Variants in PPP2R2B observed in about 807,000 individuals in gnomAD.
The protein encoded by PPP2R2B is protein phosphatase 2 regulatory subunit Bbeta, also known as serine/threonine-protein phosphatase 2A 55 kDa regulatory subunit B beta isoform.
PPP2R2B carries 5 observed loss-of-function variants against 46.0 expected under a neutral mutation model. That is an observed-to-expected ratio of 0.11 (90% CI 0.06 to 0.23). The LOEUF (loss-of-function observed/expected upper bound fraction) is 0.23. Ranked by LOEUF, PPP2R2B falls within the 10% of genes least tolerant of loss-of-function variation. The probability of loss-of-function intolerance (pLI) is 1.00; values close to 1 mark genes in which losing one functional copy is unlikely to be tolerated. For missense variants in PPP2R2B, 367 were observed against 575.0 expected, an observed-to-expected ratio of 0.64 and a Z score of 3.70; for synonymous variants, 215 against 206.7, an observed-to-expected ratio of 1.04 and a Z score of -0.34.
intron 2 of PPP2R2B, among the ~76,000 whole-genome samples, chr5:146,834,601 T>A (rs1200325937): frequency 6.6e-6 from 1 of 152,198 alleles, no homozygotes; most frequent in Non-Finnish European, 1.5e-5. Context: ...TCTTTATTAT[T>A]TTTATGAAAG....
At position 146,742,534 on chromosome 5, in the gene PPP2R2B, T is replaced by C. The variant is rs186533829; in HGVS notation, c.71-41392A>G. 4.7e-3 allele frequency among the ~76,000 whole-genome samples: 710 copies of C among 152,350 alleles called. 4 individuals are homozygous for C. Among genetic ancestry groups the C allele is most frequent in the Non-Finnish European group, 9.1e-3 (619 of 68,036 alleles). ...TGATATTCTGATTTCTTCACCTCCC[T>C]ACTTTTTTCTGTTTTTGCGAATTTT... On this transcript the variant is annotated intron_variant, in intron 2 of 9. Coordinates refer to ENST00000394411, the MANE Select transcript of PPP2R2B (RefSeq NM_181675.4).
chr5:146,758,696 A>T (rs1194985628), intron 2 of PPP2R2B, among the ~76,000 whole-genome samples: 3 of 152,128 alleles, frequency 2.0e-5, no homozygotes, highest in African/African-American at 7.2e-5. Context: ...GGGTCAAATG[A>T]AAGAAAGGAA....
intron 2 of PPP2R2B, among the ~76,000 whole-genome samples, chr5:146,703,705 C>T (rs1199235474): frequency 6.6e-6 from 1 of 152,144 alleles, no homozygotes; most frequent in Admixed American, 6.5e-5. Flanking sequence ...AAGACCCATG[C>T]AAGTCAAAAC....
chr5:147,054,606 A>G (rs1756983597), intron 1 of PPP2R2B: 1 of 456,238 alleles, frequency 2.2e-6, no homozygotes. Flanking sequence ...ACCTTATGAT[A>G]TAATACAAGC....
At chr5:146,762,780 G>C (rs576878978) in intron 2 of PPP2R2B, among the ~76,000 whole-genome samples, 13 of 152,312 alleles carry the variant, frequency 8.5e-5, no homozygotes, top group Non-Finnish European at 1.8e-4. Flanking sequence ...TTATAATGCA[G>C]TGTAATTGTT....
At chr5:146,843,975 A>G (rs1319866478) in intron 2 of PPP2R2B, among the ~76,000 whole-genome samples, 1 of 151,948 alleles carries the variant, frequency 6.6e-6, no homozygotes, top group African/African-American at 2.4e-5. Flanking sequence ...CAGTAATGGG[A>G]TGGCTGGGTC....
intron 2 of PPP2R2B, among the ~76,000 whole-genome samples, chr5:146,787,116 A>C (rs1755887390): frequency 6.6e-6 from 1 of 152,362 alleles, no homozygotes; most frequent in Middle Eastern, 3.4e-3. Context: ...CACACACACA[A>C]AAATAGTGCT....
At chr5:146,928,140 C>CT (rs1763844214) in intron 1 of PPP2R2B, among the ~76,000 whole-genome samples, 1 of 152,124 alleles carries the variant, frequency 6.6e-6, no homozygotes, top group East Asian at 1.9e-4. Flanking sequence ...AGGAACATGT[C>CT]TTTTTTTACT....
At chr5:146,782,157 C>A (rs1755570866) in intron 2 of PPP2R2B, among the ~76,000 whole-genome samples, 1 of 152,140 alleles carries the variant, frequency 6.6e-6, no homozygotes, top group Non-Finnish European at 1.5e-5. Context: ...GAGATGCTAG[C>A]ATCACGCTTC....
chr5:146,638,262 C>T lies in PPP2R2B; in HGVS notation c.779G>A (p.Arg260Lys). The T allele has an allele frequency of 6.2e-7, 1 of 1,613,278 alleles. No homozygotes were observed. Among genetic ancestry groups the T allele is most frequent in the Non-Finnish European group, 8.5e-7 (1 of 1,179,370 alleles). Residue 260 changes from arginine (R) to lysine (K), a missense_variant, in exon 7 of 10, where the codon AGG becomes AAG. Physicochemically the swap from Arg to Lys is conservative, Grantham distance 26. This residue lies in a region of PPP2R2B where 361 missense variants were observed against 545.5 expected (regional missense o/e 0.66). Coordinates refer to ENST00000394411, the MANE Select transcript of PPP2R2B (RefSeq NM_181675.4). ...CDMRASALCD[R>K]HTKFFEEPED... ...CAGTTGCTACTCACATTTGGTGTGC[C>T]TGTCACACAGGGCAGATGCCCGCAT... is the stretch of plus-strand genomic sequence containing the variant.
intron 2 of PPP2R2B, among the ~76,000 whole-genome samples, chr5:146,711,591 C>T (rs973225541): frequency 4.6e-5 from 7 of 152,052 alleles, no homozygotes; most frequent in Non-Finnish European, 8.8e-5. Flanking sequence ...GAGAGGATGT[C>T]CAGGTAGGGT....
upstream of PPP2R2B, among the ~76,000 whole-genome samples, chr5:146,880,271 C>A (rs2151421939): frequency 6.8e-6 from 1 of 147,780 alleles, no homozygotes; most frequent in African/African-American, 2.5e-5. Flanking sequence ...ATTTTATTTT[C>A]ATCTAGTGCT....
chr5:146,645,728 T>G (rs1775537967), intron 6 of PPP2R2B, among the ~76,000 whole-genome samples: 1 of 152,202 alleles, frequency 6.6e-6, no homozygotes, highest in South Asian at 2.1e-4. Context: ...AAGGTCAAAG[T>G]TGAAGTATCC....
At chr5:146,693,619 TAGTATG>T (rs978512451) in intron 4 of PPP2R2B, among the ~76,000 whole-genome samples, 2 of 152,242 alleles carry the variant, frequency 1.3e-5, no homozygotes, top group Non-Finnish European at 2.9e-5. Context: ...AAAAATAATT[TAGTATG>T]AGTATATCCC....
chr5:146,966,879 G>A (rs1752441183), intron 1 of PPP2R2B, among the ~76,000 whole-genome samples: 1 of 152,080 alleles, frequency 6.6e-6, no homozygotes, highest in African/African-American at 2.4e-5. Flanking sequence ...TGCTTAGTGG[G>A]GGTAATGTCA....
intron 2 of PPP2R2B, among the ~76,000 whole-genome samples, chr5:147,068,752 C>G (rs2151910148): frequency 6.6e-6 from 1 of 152,290 alleles, no homozygotes; most frequent in Non-Finnish European, 1.5e-5. Context: ...AAATTGCCAT[C>G]AGTTTTCCTT....
At chr5:147,028,165 C>T (rs989345548) in intron 1 of PPP2R2B, among the ~76,000 whole-genome samples, 10 of 152,134 alleles carry the variant, frequency 6.6e-5, no homozygotes, top group Admixed American at 6.5e-4. Flanking sequence ...TTGGCTTTAC[C>T]TCTTAACAGA....
upstream of PPP2R2B, among the ~76,000 whole-genome samples, chr5:147,057,473 G>A (rs766658342): frequency 6.6e-6 from 1 of 152,156 alleles, no homozygotes; most frequent in Non-Finnish European, 1.5e-5. Flanking sequence ...GTGGGCTTTG[G>A]GTTCAACCTG....
intron 9 of PPP2R2B, among the ~76,000 whole-genome samples, chr5:146,591,774 T>C (rs983406489): frequency 6.6e-6 from 1 of 152,104 alleles, no homozygotes; most frequent in African/African-American, 2.4e-5. Context: ...ATTCAAACTC[T>C]AAACTTGTTA....
Sources: allele counts gnomAD v4.1 joint callset (sites outside exome capture counted in the v4.1 genomes callset), GRCh38; gene constraint gnomAD v4.1.1; regional missense constraint gnomAD v4.1.1; transcripts MANE v1.5; gene names NCBI Gene and HGNC (gene_info 2026-07-23, HGNC 2026-07-21).